The following STT3B variants were observed in gnomAD, a reference collection of about 807,000 sequenced individuals.
STT3B encodes dolichyl-diphosphooligosaccharide--protein glycosyltransferase subunit STT3B.
In STT3B, 29 loss-of-function variants were observed where a neutral mutation model predicts 96.8. The observed-to-expected ratio is 0.30, with a 90% confidence interval of 0.22 to 0.41. STT3B has a LOEUF of 0.41. Among genes scored for constraint, STT3B ranks in the 10% least tolerant of loss-of-function variants. The pLI, the probability that STT3B is intolerant of heterozygous loss-of-function variation, is 1.00. For synonymous variants in STT3B, 367 were observed against 360.0 expected (o/e 1.02, Z -0.22); for missense variants, 640 against 1,022.3 (o/e 0.63, Z 5.10).
intron 1 of STT3B, among the ~76,000 whole-genome samples, chr3:31,551,224 T>TG (rs1290397498): frequency 6.6e-5 from 10 of 152,126 alleles, no homozygotes; most frequent in South Asian, 6.2e-4. Context: ...TTTGTTTGTT[T>TG]GTTTGGTTTT....
At chr3:31,619,646 T>G (rs762978020) in intron 8 of STT3B, 30 bp from the exon 9 acceptor site, 18 of 1,582,892 alleles carry the variant, frequency 1.1e-5, no homozygotes, top group Non-Finnish European at 1.6e-5. Context: ...ATCACTTAAT[T>G]GTAAACAATA....
chr3:31,564,043 A>G (rs1369792794), intron 1 of STT3B, among the ~76,000 whole-genome samples: 1 of 152,212 alleles, frequency 6.6e-6, no homozygotes, highest in African/African-American at 2.4e-5. Context: ...GGACCCAAAC[A>G]GCATTGAATA....
chr3:31,602,660 ATTTTT>A (rs11316900), intron 5 of STT3B, among the ~76,000 whole-genome samples: 11 of 125,094 alleles, frequency 8.8e-5, no homozygotes, highest in South Asian at 2.6e-4. Context: ...GGTAGCTGGG[ATTTTT>A]TTTTTTTTTT....
intron 1 of STT3B, among the ~76,000 whole-genome samples, chr3:31,544,927 A>T (rs922178237): frequency 2.0e-5 from 3 of 151,668 alleles, no homozygotes; most frequent in Non-Finnish European, 2.9e-5. Context: ...ACAGAGCAAG[A>T]CTCTGTCTCA....
chr3:31,607,199 T>C (rs1230510059), intron 5 of STT3B, among the ~76,000 whole-genome samples: 2 of 152,136 alleles, frequency 1.3e-5, no homozygotes, highest in Non-Finnish European at 2.9e-5. Flanking sequence ...GACTTTGGAC[T>C]GTGGGTTTTT....
intron 1 of STT3B, among the ~76,000 whole-genome samples, chr3:31,535,631 G>A (rs1255032027): frequency 2.0e-5 from 3 of 152,248 alleles, no homozygotes; most frequent in Non-Finnish European, 2.9e-5. Flanking sequence ...GCTGAGGCAG[G>A]AGAATCTCTC....
intron 1 of STT3B, among the ~76,000 whole-genome samples, chr3:31,557,996 A>G (rs1393521671): frequency 6.6e-6 from 1 of 152,250 alleles, no homozygotes; most frequent in African/African-American, 2.4e-5. Flanking sequence ...ACATATAAAA[A>G]TGAATCAGTA....
chr3:31,621,567 C>A (rs756150968), intron 9 of STT3B, among the ~76,000 whole-genome samples: 3 of 152,192 alleles, frequency 2.0e-5, no homozygotes, highest in Non-Finnish European at 2.9e-5. Flanking sequence ...AGCACATTAT[C>A]CAGAAAGCTC....
intron 1 of STT3B, among the ~76,000 whole-genome samples, chr3:31,547,013 C>G (rs1575407248): frequency 6.6e-6 from 1 of 152,204 alleles, no homozygotes; most frequent in East Asian, 1.9e-4. Context: ...CCTGTTGTAC[C>G]CCTTCCCCTC....
intron 1 of STT3B, among the ~76,000 whole-genome samples, chr3:31,544,691 C>T (rs1697357291): frequency 6.6e-6 from 1 of 152,164 alleles, no homozygotes; most frequent in Non-Finnish European, 1.5e-5. Flanking sequence ...GCACGGGGCG[C>T]GGTGGCTTAT....
At chr3:31,600,759 CA>C (rs1698910402) in intron 5 of STT3B, among the ~76,000 whole-genome samples, 1 of 151,992 alleles carries the variant, frequency 6.6e-6, no homozygotes, top group South Asian at 2.1e-4. Flanking sequence ...AAATCGTTCA[CA>C]TTTTTTATAT....
intron 5 of STT3B, among the ~76,000 whole-genome samples, chr3:31,609,842 C>A (rs1185478061): frequency 2.0e-5 from 3 of 152,100 alleles, no homozygotes; most frequent in Admixed American, 1.3e-4. Context: ...GGATTACAGG[C>A]GTGAACCACC....
chr3:31,567,128 T>C (rs1698024779), intron 1 of STT3B, among the ~76,000 whole-genome samples: 1 of 152,146 alleles, frequency 6.6e-6, no homozygotes, highest in Non-Finnish European at 1.5e-5. Context: ...TGTGTGGTTA[T>C]TTTGATAGAT....
chr3:31,617,521 G>A (rs540905412), intron 7 of STT3B, among the ~76,000 whole-genome samples: 1 of 152,040 alleles, frequency 6.6e-6, no homozygotes, highest in South Asian at 2.1e-4. Flanking sequence ...AAAGCCGTGA[G>A]TGTTTAAAAT....
chr3:31,552,491 T>G (rs993826879), intron 1 of STT3B, among the ~76,000 whole-genome samples: 3 of 152,172 alleles, frequency 2.0e-5, no homozygotes, highest in Non-Finnish European at 4.4e-5. Context: ...TTTTAAAAAC[T>G]TATACTTACT....
At chr3:31,581,471 A>G (rs1455852471) in intron 3 of STT3B, among the ~76,000 whole-genome samples, 1 of 152,210 alleles carries the variant, frequency 6.6e-6, no homozygotes, top group Non-Finnish European at 1.5e-5. Flanking sequence ...GAAAAATACA[A>G]AGAAAAAAAT....
At chr3:31,582,001 C>T (rs959313498) in intron 3 of STT3B, among the ~76,000 whole-genome samples, 1 of 152,152 alleles carries the variant, frequency 6.6e-6, no homozygotes, top group African/African-American at 2.4e-5. Context: ...ATAATACTCT[C>T]TTAAAATTCT....
At chr3:31,553,101 C>CA (rs558668757) in intron 1 of STT3B, among the ~76,000 whole-genome samples, 13,431 of 62,488 alleles carry the variant, frequency 0.21, 1,326 homozygotes, top group East Asian at 0.45. Context: ...AACTCCGTCT[C>CA]AAAAAAAAAA....
At chr3:31,595,937 A>G (rs1370276110) in intron 3 of STT3B, among the ~76,000 whole-genome samples, 5 of 152,166 alleles carry the variant, frequency 3.3e-5, no homozygotes, top group Admixed American at 1.3e-4. Flanking sequence ...TTCAGGCTCT[A>G]TAAGGACCTT....
Sources: allele counts gnomAD v4.1 joint callset (sites outside exome capture counted in the v4.1 genomes callset), GRCh38; gene constraint gnomAD v4.1.1; transcripts MANE v1.5; gene names NCBI Gene and HGNC (gene_info 2026-07-23, HGNC 2026-07-21).